Variants in SMURF1 observed in about 807,000 individuals in gnomAD.
The protein encoded by SMURF1 is SMAD specific E3 ubiquitin protein ligase 1, also known as E3 ubiquitin-protein ligase SMURF1.
A neutral mutation model predicts 98.0 loss-of-function variants in SMURF1; 44 were observed. The observed-to-expected ratio is 0.45, with a 90% CI of 0.35 to 0.58. SMURF1 has a LOEUF of 0.58. Ranked by LOEUF, SMURF1 falls within the 20% of genes least tolerant of loss-of-function variation. The probability of loss-of-function intolerance (pLI) is 0.00; values close to 1 mark genes in which losing one functional copy is unlikely to be tolerated. For synonymous variants in SMURF1, 396 were observed against 374.9 expected, an observed-to-expected ratio of 1.06 and a Z score of -0.65; for missense variants, 687 against 938.4, an observed-to-expected ratio of 0.73 and a Z score of 3.50.
chr7:99,063,244 TATATATATATA>T (rs1796086661), intron 1 of SMURF1, among the ~76,000 whole-genome samples: 253 of 14,492 alleles, frequency 0.017, 25 homozygotes, highest in South Asian at 0.027. Context: ...GATTTATTTA[TATATATATATA>T]TATATATATA....
chr7:99,090,666 G>A (rs566609035), intron 1 of SMURF1, among the ~76,000 whole-genome samples: 7 of 152,142 alleles, frequency 4.6e-5, no homozygotes, highest in Non-Finnish European at 7.3e-5. Flanking sequence ...AAATGAGCAC[G>A]AGCAAGCTTT....
intron 1 of SMURF1, among the ~76,000 whole-genome samples, chr7:99,066,110 C>T (rs572813367): frequency 3.3e-5 from 5 of 151,950 alleles, no homozygotes; most frequent in South Asian, 2.1e-4. Flanking sequence ...ATCTCAAATA[C>T]GTTACCTTCT....
intron 1 of SMURF1, among the ~76,000 whole-genome samples, chr7:99,095,087 A>ATTTTG (rs1429224645): frequency 8.6e-5 from 13 of 151,278 alleles, no homozygotes; most frequent in Non-Finnish European, 1.0e-4. Flanking sequence ...ATTTTATTTT[A>ATTTTG]TTTTACTTTT....
chr7:99,125,819 A>G (rs1258953211), intron 1 of SMURF1, among the ~76,000 whole-genome samples: 1 of 152,048 alleles, frequency 6.6e-6, no homozygotes, highest in African/African-American at 2.4e-5. Flanking sequence ...AGGCCTATAA[A>G]ATTACAATTT....
At chr7:99,063,295 A>G (rs1453583201) in intron 1 of SMURF1, among the ~76,000 whole-genome samples, 8 of 29,246 alleles carry the variant, frequency 2.7e-4, no homozygotes, top group African/African-American at 4.9e-4. Context: ...ATATATATAT[A>G]TATATATATA....
At chr7:99,057,718 C>G (rs1215985356) in intron 3 of SMURF1, among the ~76,000 whole-genome samples, 167 bp from the exon 4 acceptor site, 1 of 151,936 alleles carries the variant, frequency 6.6e-6, no homozygotes. Context: ...CTGCCTCAGC[C>G]TCCCGAGTAG....
intron 1 of SMURF1, among the ~76,000 whole-genome samples, chr7:99,071,421 C>T (rs1172148258): frequency 6.6e-6 from 1 of 152,174 alleles, no homozygotes; most frequent in Non-Finnish European, 1.5e-5. Context: ...GTCATTTTTA[C>T]ATCTTAAGGA....
At chr7:99,100,120 A>C (rs999260445) in intron 1 of SMURF1, among the ~76,000 whole-genome samples, 6 of 152,172 alleles carry the variant, frequency 3.9e-5, no homozygotes, top group African/African-American at 9.6e-5. Context: ...AAAAAAAAAA[A>C]AAAAAAGCTG....
At chr7:99,087,716 A>C (rs776490542) in intron 1 of SMURF1, among the ~76,000 whole-genome samples, 4 of 152,128 alleles carry the variant, frequency 2.6e-5, no homozygotes, top group African/African-American at 9.7e-5. Flanking sequence ...CGACGCTATC[A>C]ATCCATCTTT....
chr7:99,093,927 C>A (rs1796871843), intron 1 of SMURF1, among the ~76,000 whole-genome samples: 1 of 152,070 alleles, frequency 6.6e-6, no homozygotes, highest in South Asian at 2.1e-4. Flanking sequence ...ATTTTCAAAA[C>A]TAACAAATAA....
intron 11 of SMURF1, among the ~76,000 whole-genome samples, chr7:99,044,145 C>T (rs1795491509): frequency 6.6e-6 from 1 of 152,096 alleles, no homozygotes. Flanking sequence ...AACCCCATCT[C>T]TACTAAAAAT....
intron 1 of SMURF1, among the ~76,000 whole-genome samples, chr7:99,139,170 A>G (rs1798058685): frequency 6.6e-6 from 1 of 152,232 alleles, no homozygotes; most frequent in Non-Finnish European, 1.5e-5. Context: ...GACACCTGTA[A>G]TTCATCAACC....
chr7:99,143,551 A>C (rs1353152835), intron 1 of SMURF1, among the ~76,000 whole-genome samples, 175 bp downstream of exon 1: 1 of 114,092 alleles, frequency 8.8e-6, no homozygotes, highest in Non-Finnish European at 1.8e-5. Context: ...GGGGCCGGGC[A>C]ACGGCGAGGG....
intron 1 of SMURF1, among the ~76,000 whole-genome samples, chr7:99,083,371 A>T (rs1381691446): frequency 6.6e-6 from 1 of 152,242 alleles, no homozygotes; most frequent in Non-Finnish European, 1.5e-5. Context: ...TTAGATAATA[A>T]TGATTTACTT....
chr7:99,051,006 G>A, intron 8 of SMURF1: 6 of 1,546,542 alleles, frequency 3.9e-6, no homozygotes, highest in South Asian at 1.2e-5. Context: ...AGGCAATGGG[G>A]ACAGTAAAGT....
intron 10 of SMURF1, among the ~76,000 whole-genome samples, chr7:99,047,168 T>G (rs922367469): frequency 6.6e-6 from 1 of 152,256 alleles, no homozygotes; most frequent in Non-Finnish European, 1.5e-5. Context: ...AAGAGCCACC[T>G]GCTCCTCGCC....
intron 1 of SMURF1, among the ~76,000 whole-genome samples, chr7:99,126,700 G>A (rs1797754167): frequency 6.6e-6 from 1 of 152,190 alleles, no homozygotes. Context: ...TAGAAATTAT[G>A]TATACAGATA....
intron 1 of SMURF1, among the ~76,000 whole-genome samples, chr7:99,062,664 C>T (rs574511128): frequency 6.6e-6 from 1 of 152,120 alleles, no homozygotes; most frequent in Non-Finnish European, 1.5e-5. Context: ...GCCTGGCCAA[C>T]ATGGAGAAAC....
chr7:99,126,628 C>G (rs938072477), intron 1 of SMURF1, among the ~76,000 whole-genome samples: 1 of 151,966 alleles, frequency 6.6e-6, no homozygotes, highest in Non-Finnish European at 1.5e-5. Context: ...GCACTCCAGC[C>G]TGGGCGACAG....
Sources: gnomAD v4.1 joint callset for allele counts (sites outside exome capture counted in the v4.1 genomes callset) on GRCh38, gnomAD v4.1.1 for gene constraint, MANE v1.5 for transcripts, NCBI Gene and HGNC (gene_info 2026-07-23, HGNC 2026-07-21) for gene names.